The following PPP6R2 variants were observed in gnomAD, a reference collection of about 807,000 sequenced individuals.
PPP6R2 encodes serine/threonine-protein phosphatase 6 regulatory subunit 2.
PPP6R2 carries 62 observed loss-of-function variants against 100.2 expected under a neutral mutation model. The ratio of observed to expected loss-of-function variants is 0.62; its 90% CI spans 0.50 to 0.76. The LOEUF (loss-of-function observed/expected upper bound fraction) is 0.76. PPP6R2 is among the 30% of genes least tolerant of loss of function. PPP6R2 has a pLI of 0.00. For synonymous variants in PPP6R2, 525 were observed against 514.7 expected (o/e 1.02, Z -0.27); for missense variants, 1,142 against 1,276.3 (o/e 0.89, Z 1.60).
intron 13 of PPP6R2, 103 bp from the exon 14 acceptor site, chr22:50,436,263 GC>G: frequency 3.1e-6 from 3 of 978,188 alleles, no homozygotes; most frequent in Non-Finnish European, 4.7e-6. Flanking sequence ...CAGTAGCAGC[GC>G]CCCATCCTCC....
intron 22 of PPP6R2, chr22:50,443,551 T>G: frequency 1.3e-5 from 5 of 370,620 alleles, no homozygotes; most frequent in Non-Finnish European, 9.9e-6. Flanking sequence ...AGGCTGAAGT[T>G]GAGATCATAG....
intron 4 of PPP6R2, among the ~76,000 whole-genome samples, chr22:50,408,083 C>A (rs895084730): frequency 3.9e-5 from 6 of 152,068 alleles, no homozygotes; most frequent in African/African-American, 1.4e-4. Flanking sequence ...GATGGGGTTT[C>A]CCCATGTTAC....
chr22:50,338,544 GGTGTGTGTGGTATGTA>G (rs763820384), upstream of PPP6R2, among the ~76,000 whole-genome samples: 465 of 132,196 alleles, frequency 3.5e-3, no homozygotes, highest in Non-Finnish European at 5.7e-3. Flanking sequence ...TAGGGTGTGT[GGTGTGTGTGGTATGTA>G]GTGTGTGTGT....
intron 4 of PPP6R2, among the ~76,000 whole-genome samples, chr22:50,411,206 C>A (rs760569819): frequency 3.9e-5 from 6 of 152,228 alleles, no homozygotes; most frequent in Non-Finnish European, 8.8e-5. Flanking sequence ...CTCCACCCAA[C>A]ACTTTGGGAG....
chr22:50,339,027 G>T (rs370023272), upstream of PPP6R2, among the ~76,000 whole-genome samples: 6 of 116,676 alleles, frequency 5.1e-5, no homozygotes, highest in Admixed American at 2.0e-4. Context: ...GTGTGTGTGT[G>T]GTGTGTGTGT....
intron 2 of PPP6R2, among the ~76,000 whole-genome samples, chr22:50,393,038 C>G (rs2055970101): frequency 6.6e-6 from 1 of 152,304 alleles, no homozygotes; most frequent in South Asian, 2.1e-4. Flanking sequence ...TATGTTTTCA[C>G]TTTCTATCAG....
chr22:50,371,023 T>C (rs1009011392), intron 1 of PPP6R2, among the ~76,000 whole-genome samples: 3 of 152,202 alleles, frequency 2.0e-5, no homozygotes, highest in African/African-American at 7.2e-5. Flanking sequence ...TTATTGGAAA[T>C]TTAAGTGACA....
rs1190757261 is a variant in PPP6R2 at position 50,418,983 on chromosome 22, A to G, written c.731+4A>G. On this transcript the variant is annotated splice_donor_region_variant and intron_variant, in intron 7 of 23. Coordinates refer to ENST00000612753, the MANE Select transcript of PPP6R2 (RefSeq NM_001242898.2). ...CGCTCCTCACAGCGCTGGAGTCGTG[A>G]GTGCTGGTGGGCCGTGGTGCTGGTG... The G allele has an allele frequency of 6.2e-7, 1 of 1,609,502 alleles. No individual in the cohort carries two copies. The highest frequency in any genetic ancestry group is 8.5e-7 in the Non-Finnish European group (1 of 1,176,074).
intron 22 of PPP6R2, among the ~76,000 whole-genome samples, chr22:50,442,411 G>A (rs908155323): frequency 1.3e-5 from 2 of 152,386 alleles, no homozygotes; most frequent in East Asian, 1.9e-4. Flanking sequence ...GCAAGTGGGG[G>A]GCACAGCACG....
intron 10 of PPP6R2, among the ~76,000 whole-genome samples, chr22:50,427,910 C>T (rs185855312): frequency 5.9e-5 from 9 of 152,312 alleles, no homozygotes; most frequent in Admixed American, 1.3e-4. Context: ...TTAGTAGAGA[C>T]AGGGTTTCAC....
intron 3 of PPP6R2, among the ~76,000 whole-genome samples, chr22:50,395,388 C>T (rs570441396): frequency 2.0e-5 from 3 of 152,096 alleles, no homozygotes; most frequent in East Asian, 1.9e-4. Flanking sequence ...GAGAACAGGG[C>T]GGAGCTGGCC....
Position 50,346,346 on chromosome 22 carries a change from C to T in PPP6R2, c.-148+2796C>T, listed in dbSNP as rs1404629559. Among the ~76,000 whole-genome samples the T allele has an allele frequency of 2.3e-3, 63 of 27,960 alleles. 2 individuals are homozygous for T. Among genetic ancestry groups the T allele is most frequent in the African/African-American group, 9.0e-3 (59 of 6,574 alleles). 18.3% of individuals were successfully genotyped at this position (27,960 alleles called of 152,430 possible). A position where few individuals can be genotyped will look rare whatever the true frequency, so the allele number is the denominator to read the frequency against. On this transcript the variant is annotated intron_variant, in intron 1 of 23. Transcript: ENST00000612753. ...CAGTGCCCCCCCAGTCAGTTCCCCC[C>T]GCAATCAGTTCCCCCGTCAGTGCCC...
intron 10 of PPP6R2, among the ~76,000 whole-genome samples, chr22:50,425,253 T>C (rs1174793590): frequency 6.6e-6 from 1 of 152,238 alleles, no homozygotes; most frequent in Admixed American, 6.5e-5. Flanking sequence ...CATAAAGTAT[T>C]ATCTTTTTGT....
rs2060265814 is a variant in PPP6R2 at position 50,414,635 on chromosome 22, G to T, written c.498G>T (p.Leu166=). The T allele has an allele frequency of 2.5e-6, 4 of 1,613,570 alleles. No individual in the cohort carries two copies. The highest frequency in any genetic ancestry group is 2.7e-5 in the African/African-American group (2 of 74,892). Residue 166 remains leucine, a synonymous_variant, in exon 5 of 24, where the codon CTG becomes CTT. Transcript: ENST00000612753. ...HIGTSALMDL[L]LRLVSCVEPA... is the part of the protein sequence containing the mutation. ...GCACCTCAGCGCTTATGGACCTGCT[G>T]CTGCGCCTGGTCAGCTGTGTGGAGC... is the stretch of plus-strand genomic sequence containing the variant.
At chr22:50,369,070 C>G (rs13057616) in intron 1 of PPP6R2, among the ~76,000 whole-genome samples, 1 of 152,012 alleles carries the variant, frequency 6.6e-6, no homozygotes, top group Non-Finnish European at 1.5e-5. Context: ...GAAACCCTGT[C>G]TCTACTAAAA....
chr22:50,360,657 C>T (rs1199697600), intron 1 of PPP6R2, among the ~76,000 whole-genome samples: 1 of 152,180 alleles, frequency 6.6e-6, no homozygotes, highest in Non-Finnish European at 1.5e-5. Context: ...AGGCACCATT[C>T]CTGGCCCAGG....
chr22:50,426,556 C>T lies in PPP6R2; in HGVS notation c.1125+2942C>T, dbSNP rs190021932. 4.5e-3 allele frequency among the ~76,000 whole-genome samples: 689 copies of T among 152,108 alleles called. 8 individuals are homozygous for T. The highest frequency in any genetic ancestry group is 0.015 in the African/African-American group (620 of 41,482). The stretch of plus-strand genomic sequence containing the variant: ...ACTTGTTGAAAAGACTGTCCTAGGC[C>T]GGGCACGGTGGTTCACGCCTGTAAA... On this transcript the variant is annotated intron_variant, in intron 10 of 23. Coordinates refer to ENST00000612753, the MANE Select transcript of PPP6R2 (RefSeq NM_001242898.2).
chr22:50,426,891 T>C (rs1002062324), intron 10 of PPP6R2, among the ~76,000 whole-genome samples: 2 of 149,870 alleles, frequency 1.3e-5, no homozygotes, highest in African/African-American at 4.9e-5. Flanking sequence ...GCCTAATTGT[T>C]AAAAACCAGC....
intron 2 of PPP6R2, among the ~76,000 whole-genome samples, chr22:50,392,340 GA>G (rs34539629): frequency 0.35 from 41,294 of 117,360 alleles, 6,222 homozygotes; most frequent in South Asian, 0.45. Flanking sequence ...TGTCTCTACA[GA>G]AAAAAAAAAA....
Sources: gnomAD v4.1 joint callset for allele counts (sites outside exome capture counted in the v4.1 genomes callset) on GRCh38, gnomAD v4.1.1 for gene constraint, MANE v1.5 for transcripts, NCBI Gene and HGNC (gene_info 2026-07-23, HGNC 2026-07-21) for gene names.